LDLRAD3: variants seen among roughly 807,000 people sequenced by gnomAD.
LDLRAD3 encodes low density lipoprotein receptor class A domain containing 3.
Under a neutral mutation model 29.4 loss-of-function variants are expected in LDLRAD3, and 20 were observed. The ratio of observed to expected loss-of-function variants is 0.68; its 90% CI spans 0.48 to 0.99. The LOEUF is 0.99. Ranked by LOEUF, LDLRAD3 falls within the 50% of genes least tolerant of loss-of-function variation. The pLI is 0.00. For missense variants in LDLRAD3, 420 were observed against 454.3 expected (o/e 0.92, Z 0.69); for synonymous variants, 157 against 192.7 (o/e 0.81, Z 1.53).
At chr11:36,084,806 C>A (rs928668741) in intron 3 of LDLRAD3, among the ~76,000 whole-genome samples, 3 of 152,174 alleles carry the variant, frequency 2.0e-5, no homozygotes, top group Non-Finnish European at 4.4e-5. Flanking sequence ...ACCAGTCAGT[C>A]TTCTCACAGC....
At chr11:36,036,671 C>T (rs570761375) in intron 2 of LDLRAD3, among the ~76,000 whole-genome samples, 11 of 152,142 alleles carry the variant, frequency 7.2e-5, no homozygotes, top group Non-Finnish European at 1.2e-4. Context: ...TACAGAGCAC[C>T]GTGGAATTTT....
chr11:36,002,807 T>G (rs1425515037), intron 1 of LDLRAD3, among the ~76,000 whole-genome samples: 1 of 152,166 alleles, frequency 6.6e-6, no homozygotes, highest in Non-Finnish European at 1.5e-5. Context: ...CACTTTCCAG[T>G]AGAAAAGAAT....
At chr11:36,141,037 C>CTCTCTCTCTCTCTCTCA (rs1389366552) in intron 4 of LDLRAD3, among the ~76,000 whole-genome samples, 3 of 45,514 alleles carry the variant, frequency 6.6e-5, no homozygotes, top group Non-Finnish European at 1.8e-4. Context: ...TCTCTCTCTC[C>CTCTCTCTCTCTCTCTCA]GTGTGGGGGT....
intron 4 of LDLRAD3, among the ~76,000 whole-genome samples, chr11:36,222,571 C>T (rs532246615): frequency 8.6e-5 from 13 of 151,948 alleles, no homozygotes; most frequent in Admixed American, 2.0e-4. Context: ...ATCTGATAGG[C>T]GAAAAATGGT....
chr11:36,138,761 T>C (rs1042670057), intron 4 of LDLRAD3, among the ~76,000 whole-genome samples: 7 of 152,334 alleles, frequency 4.6e-5, no homozygotes, highest in Non-Finnish European at 7.3e-5. Context: ...GAGGGGTAGG[T>C]GGACATTGAA....
intron 2 of LDLRAD3, among the ~76,000 whole-genome samples, chr11:36,070,224 G>C (rs774556021): frequency 3.3e-5 from 5 of 152,196 alleles, no homozygotes; most frequent in Non-Finnish European, 5.9e-5. Flanking sequence ...ATTCTTTATT[G>C]CCTCTTTAAT....
At position 35,948,125 on chromosome 11, in the gene LDLRAD3, G is replaced by A. The variant is rs1027282858; in HGVS notation, c.46+3981G>A. 2.0e-5 allele frequency among the ~76,000 whole-genome samples: 3 copies of A among 152,048 alleles called. No homozygotes were observed. The South Asian group carries it at 6.2e-4, about 32-fold the overall frequency. On this transcript the variant is annotated intron_variant, in intron 1 of 5. Transcript: ENST00000315571. ...TCTTGACCCGAATTGTAGTTACATG[G>A]GGGTTCGTTTTCATTCTTTGAGCTC...
intron 2 of LDLRAD3, among the ~76,000 whole-genome samples, chr11:36,067,348 C>T (rs956374332): frequency 2.6e-5 from 4 of 152,126 alleles, no homozygotes; most frequent in Non-Finnish European, 4.4e-5. Context: ...CTCAATACTA[C>T]ATAACACTAC....
intron 1 of LDLRAD3, chr11:35,997,192 T>G (rs2133173614): frequency 3.6e-6 from 1 of 281,632 alleles, no homozygotes; most frequent in South Asian, 3.7e-5. Context: ...TTTGTGCTTC[T>G]TAACTAGCTG....
chr11:36,079,602 A>G (rs1032710150), intron 2 of LDLRAD3, among the ~76,000 whole-genome samples: 17 of 152,182 alleles, frequency 1.1e-4, no homozygotes, highest in Non-Finnish European at 2.2e-4. Context: ...TAGGTAAAGA[A>G]AGGCAGATTT....
At chr11:36,175,187 A>G (rs1004262222) in intron 4 of LDLRAD3, among the ~76,000 whole-genome samples, 1 of 151,940 alleles carries the variant, frequency 6.6e-6, no homozygotes, top group African/African-American at 2.4e-5. Flanking sequence ...AATTGAACCT[A>G]TTTGGAGCTC....
At chr11:36,142,064 G>T (rs147666849) in intron 4 of LDLRAD3, among the ~76,000 whole-genome samples, 1 of 152,094 alleles carries the variant, frequency 6.6e-6, no homozygotes, top group Admixed American at 6.5e-5. Context: ...AACCACTATT[G>T]CTTGCTTCCA....
At chr11:35,968,429 T>C (rs2133144232) in intron 1 of LDLRAD3, 2 of 374,808 alleles carry the variant, frequency 5.3e-6, no homozygotes, top group Non-Finnish European at 1.1e-5. Context: ...GCCTGGTGTC[T>C]CAGGATATTT....
chr11:36,074,247 C>T (rs140487670), intron 2 of LDLRAD3, among the ~76,000 whole-genome samples: 19 of 152,186 alleles, frequency 1.2e-4, no homozygotes, highest in Non-Finnish European at 1.9e-4. Context: ...AAGGCAGAGG[C>T]GTTAGCCAAA....
intron 1 of LDLRAD3, among the ~76,000 whole-genome samples, chr11:36,031,987 C>T (rs1396984999): frequency 6.6e-6 from 1 of 152,156 alleles, no homozygotes; most frequent in Non-Finnish European, 1.5e-5. Context: ...CTCTGAGGCC[C>T]CTCTTTCTTG....
intron 4 of LDLRAD3, among the ~76,000 whole-genome samples, chr11:36,149,286 G>A (rs923354526): frequency 7.9e-5 from 12 of 152,310 alleles, no homozygotes; most frequent in Middle Eastern, 3.4e-3. Flanking sequence ...TGTGCAGAAG[G>A]TAAAATGAAA....
At chr11:35,973,803 G>A (rs967412124) in intron 1 of LDLRAD3, among the ~76,000 whole-genome samples, 3 of 151,990 alleles carry the variant, frequency 2.0e-5, no homozygotes, top group African/African-American at 4.8e-5. Context: ...CTGCCTTGAT[G>A]TCCTCTAGAG....
At chr11:36,006,932 G>A (rs58896194) in intron 1 of LDLRAD3, among the ~76,000 whole-genome samples, 2,599 of 152,284 alleles carry the variant, frequency 0.017, 65 homozygotes, top group East Asian at 0.12. Context: ...GGAAATGGCT[G>A]CTCCATTGCC....
At position 36,205,923 on chromosome 11, in the gene LDLRAD3, G is replaced by A. The variant is rs142022280; in HGVS notation, c.455-21162G>A. Among the ~76,000 whole-genome samples, 13 of 152,264 alleles carry A rather than the reference G, an allele frequency of 8.5e-5. No individual in the cohort carries two copies. The East Asian group carries it at 2.5e-3, about 29-fold the overall frequency. Reference sequence around the variant, plus strand: ...CTGCCTGGAAGTTCCTGCTCCCTGGGTCTCCAGTACAGATTTTCCGTTGGT... The same window carrying A: ...CTGCCTGGAAGTTCCTGCTCCCTGGATCTCCAGTACAGATTTTCCGTTGGT... On this transcript the variant is annotated intron_variant, in intron 4 of 5. Coordinates refer to ENST00000315571, the MANE Select transcript of LDLRAD3 (RefSeq NM_174902.4).
Sources: gnomAD v4.1 joint callset for allele counts (sites outside exome capture counted in the v4.1 genomes callset) on GRCh38, gnomAD v4.1.1 for gene constraint, MANE v1.5 for transcripts, NCBI Gene and HGNC (gene_info 2026-07-23, HGNC 2026-07-21) for gene names.